GRIA4: variants seen among roughly 807,000 people sequenced by gnomAD.
GRIA4 encodes the protein glutamate receptor 4.
In GRIA4, 34 loss-of-function variants were observed where a neutral mutation model predicts 104.0. The ratio of observed to expected loss-of-function variants is 0.33; its 90% CI spans 0.25 to 0.44. GRIA4 has a LOEUF of 0.44. Among genes scored for constraint, GRIA4 ranks in the 20% least tolerant of loss-of-function variants. The pLI, the probability that GRIA4 is intolerant of heterozygous loss-of-function variation, is 1.00. For missense variants in GRIA4, 750 were observed against 1,096.5 expected, an observed-to-expected ratio of 0.68 and a Z score of 4.46; for synonymous variants, 386 against 381.9, an observed-to-expected ratio of 1.01 and a Z score of -0.13.
intron 4 of GRIA4, among the ~76,000 whole-genome samples, chr11:105,783,181 T>C (rs1941805079): frequency 6.6e-6 from 1 of 152,194 alleles, no homozygotes; most frequent in Admixed American, 6.6e-5. Flanking sequence ...TTTTACTATG[T>C]CTCTTTTTCT....
At chr11:105,736,329 T>C (rs543579992) in intron 3 of GRIA4, among the ~76,000 whole-genome samples, 19 of 152,264 alleles carry the variant, frequency 1.2e-4, no homozygotes, top group African/African-American at 3.4e-4. Context: ...AAATTAATGG[T>C]AGGCGGATAT....
chr11:105,770,259 G>GTTTATTTTAT (rs1423401861), intron 4 of GRIA4, among the ~76,000 whole-genome samples: 1 of 151,930 alleles, frequency 6.6e-6, no homozygotes, highest in Non-Finnish European at 1.5e-5. Context: ...TTTTTATTTG[G>GTTTATTTTAT]TTGTTTAACT....
chr11:105,833,117 A>G (rs2135938102), intron 4 of GRIA4, among the ~76,000 whole-genome samples: 1 of 151,834 alleles, frequency 6.6e-6, no homozygotes, highest in Non-Finnish European at 1.5e-5. Flanking sequence ...GAGAGCTTCC[A>G]CTTCTTCACG....
intron 3 of GRIA4, among the ~76,000 whole-genome samples, chr11:105,674,179 G>T (rs76432612): frequency 6.6e-6 from 1 of 151,858 alleles, no homozygotes; most frequent in Non-Finnish European, 1.5e-5. Flanking sequence ...ACATTCTACC[G>T]ATTTATTACA....
intron 4 of GRIA4, 22 bp downstream of exon 4, chr11:105,753,242 A>T (rs756624371): frequency 6.2e-7 from 1 of 1,609,366 alleles, no homozygotes; most frequent in African/African-American, 1.3e-5. Flanking sequence ...TTCTTCATCT[A>T]TTAGAGCAAA....
At chr11:105,722,791 T>G (rs1465483111) in intron 3 of GRIA4, among the ~76,000 whole-genome samples, 2 of 152,104 alleles carry the variant, frequency 1.3e-5, no homozygotes, top group African/African-American at 4.8e-5. Context: ...TTGTATTACA[T>G]ACATAAAATA....
At position 105,665,028 on chromosome 11, in the gene GRIA4, T is replaced by C. The variant is rs1952123294; in HGVS notation, c.247+52594T>C. Among the ~76,000 whole-genome samples, 4 of 152,040 alleles carry C rather than the reference T, an allele frequency of 2.6e-5. 1 individual carries two copies. In the South Asian group the frequency reaches 8.3e-4, roughly 31 times the overall value. ...GCAATATTTGGGAGATAATTCTAAA[T>C]GAATTAATTTGAGGTAATTTGAGGT... is the stretch of plus-strand genomic sequence containing the variant. On this transcript the variant is annotated intron_variant, in intron 3 of 16. Coordinates refer to ENST00000282499, the MANE Select transcript of GRIA4 (RefSeq NM_000829.4).
chr11:105,877,392 T>G (rs1945869043), intron 5 of GRIA4, among the ~76,000 whole-genome samples: 1 of 152,176 alleles, frequency 6.6e-6, no homozygotes, highest in Non-Finnish European at 1.5e-5. Context: ...TGTCTTGGGG[T>G]TGCTCTTCTC....
chr11:105,899,556 G>A (rs1591418469), intron 7 of GRIA4, among the ~76,000 whole-genome samples: 1 of 152,194 alleles, frequency 6.6e-6, no homozygotes, highest in Admixed American at 6.5e-5. Context: ...TGGCATGATG[G>A]TAGGCATTCA....
chr11:105,770,589 A>G (rs1474077141), intron 4 of GRIA4, among the ~76,000 whole-genome samples: 2 of 151,840 alleles, frequency 1.3e-5, no homozygotes, highest in South Asian at 2.1e-4. Flanking sequence ...ATTTCCTCCT[A>G]TTTTCCAGTT....
At chr11:105,715,670 C>T (rs1203167216) in intron 3 of GRIA4, among the ~76,000 whole-genome samples, 1 of 152,138 alleles carries the variant, frequency 6.6e-6, no homozygotes, top group Non-Finnish European at 1.5e-5. Context: ...ATAGGCTAAG[C>T]TGCAGTAACA....
rs144419116 is a variant in GRIA4 at position 105,840,837 on chromosome 11, T to C, written c.488-21187T>C. Among the ~76,000 whole-genome samples, 409 of 152,308 alleles carry C rather than the reference T, an allele frequency of 2.7e-3. 5 individuals carry two copies. In the East Asian group the frequency reaches 0.034, roughly 13 times the overall value. ...CTTCTCCATTTTAGTGTTTATATGGTTTCAGAAATTGTCTCTTTTCATCTA... is the reference window on the plus strand; with the variant it reads ...CTTCTCCATTTTAGTGTTTATATGGCTTCAGAAATTGTCTCTTTTCATCTA... On this transcript the variant is annotated intron_variant, in intron 4 of 16. Coordinates refer to ENST00000282499, the MANE Select transcript of GRIA4 (RefSeq NM_000829.4).
rs377236554 is a variant in GRIA4 at position 105,837,529 on chromosome 11, G to A, written c.488-24495G>A. 2.0e-4 allele frequency among the ~76,000 whole-genome samples: 31 copies of A among 152,234 alleles called. No homozygotes were observed. The East Asian group carries it at 6.0e-3, about 29-fold the overall frequency. On this transcript the variant is annotated intron_variant, in intron 4 of 16. Transcript: ENST00000282499. ...ATAAAGGAGGTAGATCTTTCCAGAT[G>A]TTCTTCATTTTCTCAGTGAAGTGGA...
chr11:105,843,313 C>G (rs7102715), intron 4 of GRIA4, among the ~76,000 whole-genome samples: 2,481 of 152,282 alleles, frequency 0.016, 59 homozygotes, highest in African/African-American at 0.056. Context: ...ATCTTCAAAT[C>G]TACACTTTAT....
At chr11:105,905,744 A>G (rs1947021050) in intron 9 of GRIA4, among the ~76,000 whole-genome samples, 1 of 152,244 alleles carries the variant, frequency 6.6e-6, no homozygotes, top group African/African-American at 2.4e-5. Context: ...AATCAACTAG[A>G]TAAATTTCAA....
At chr11:105,910,128 A>G (rs1947179528) in intron 9 of GRIA4, among the ~76,000 whole-genome samples, 1 of 152,128 alleles carries the variant, frequency 6.6e-6, no homozygotes, top group Non-Finnish European at 1.5e-5. Flanking sequence ...AGAGGAGGGG[A>G]TCTGCATAAA....
chr11:105,753,422 A>G (rs997163797), intron 4 of GRIA4, among the ~76,000 whole-genome samples: 10 of 152,278 alleles, frequency 6.6e-5, no homozygotes, highest in African/African-American at 2.2e-4. Flanking sequence ...TCCTGAGCAA[A>G]CCATGCTCTG....
intron 3 of GRIA4, among the ~76,000 whole-genome samples, chr11:105,746,347 T>TG (rs148037568): frequency 0.026 from 3,996 of 152,004 alleles, 195 homozygotes; most frequent in African/African-American, 0.09. Context: ...AAGAAAATCA[T>TG]GCTATTGTTA....
chr11:105,929,275 A>G (rs758065012), intron 13 of GRIA4, among the ~76,000 whole-genome samples: 1 of 152,072 alleles, frequency 6.6e-6, no homozygotes, highest in Non-Finnish European at 1.5e-5. Context: ...CAATAATGGT[A>G]CATCTATCAG....
Sources: allele counts gnomAD v4.1 joint callset (sites outside exome capture counted in the v4.1 genomes callset), GRCh38; gene constraint gnomAD v4.1.1; transcripts MANE v1.5; gene names NCBI Gene and HGNC (gene_info 2026-07-23, HGNC 2026-07-21).